OR1J2: variants seen among roughly 807,000 people sequenced by gnomAD.
OR1J2 encodes olfactory receptor family 1 subfamily J member 2.
For missense variants in OR1J2, 304 were observed against 246.1 expected (o/e 1.24, Z -1.57); for synonymous variants, 142 against 99.7 (o/e 1.42, Z -2.52).
the OR1J2 span, among the ~76,000 whole-genome samples, chr9:122,556,036 C>T: frequency 6.6e-6 from 1 of 152,184 alleles, no homozygotes; most frequent in Non-Finnish European, 1.5e-5. Flanking sequence ...AGTTATTCCC[C>T]TCTCCCCATA....
the OR1J2 span, among the ~76,000 whole-genome samples, chr9:122,566,277 T>C: frequency 1.3e-5 from 2 of 152,240 alleles, no homozygotes; most frequent in Non-Finnish European, 2.9e-5. Flanking sequence ...GCATAGGTCA[T>C]CTTGTTTATT....
At chr9:122,513,922 T>C (rs1354460393), downstream of OR1J2, among the ~76,000 whole-genome samples, 1 of 152,176 alleles carries the variant, frequency 6.6e-6, no homozygotes, top group Non-Finnish European at 1.5e-5. Flanking sequence ...AAAGAGATGA[T>C]TTTAAGGCAT....
At chr9:122,484,663 A>C in the OR1J2 span, among the ~76,000 whole-genome samples, 1 of 152,158 alleles carries the variant, frequency 6.6e-6, no homozygotes, top group Non-Finnish European at 1.5e-5. Context: ...AGAAGGGGCA[A>C]AAATTTCTGC....
chr9:122,470,604 A>G, the OR1J2 span, among the ~76,000 whole-genome samples: 1 of 152,172 alleles, frequency 6.6e-6, no homozygotes, highest in Non-Finnish European at 1.5e-5. Context: ...CTGTGAGAAG[A>G]GGGCCACTGT....
chr9:122,499,594 T>C, the OR1J2 span, among the ~76,000 whole-genome samples: 1 of 151,998 alleles, frequency 6.6e-6, no homozygotes, highest in Admixed American at 6.6e-5. Context: ...CCTGGGCATG[T>C]AGCAGTGGGG....
At chr9:122,453,385 GA>G in the OR1J2 span, among the ~76,000 whole-genome samples, 1 of 152,194 alleles carries the variant, frequency 6.6e-6, no homozygotes, top group Non-Finnish European at 1.5e-5. Flanking sequence ...TGAGTCTCCA[GA>G]AAAGTCATTT....
chr9:122,544,415 C>CTTTTTTTTTTTTTTTTTTTTTTTTTT, the OR1J2 span, among the ~76,000 whole-genome samples: 1 of 85,356 alleles, frequency 1.2e-5, no homozygotes, highest in African/African-American at 4.8e-5. Context: ...CCTCTTTTTT[C>CTTTTTTTTTTTTTTTTTTTTTTTTTT]TTTTTTTTTT....
At chr9:122,580,371 G>A in the OR1J2 span, among the ~76,000 whole-genome samples, 25 of 152,182 alleles carry the variant, frequency 1.6e-4, no homozygotes, top group Admixed American at 1.4e-3. Flanking sequence ...CTAGAATGCG[G>A]TCAGAATGAA....
upstream of OR1J2, among the ~76,000 whole-genome samples, chr9:122,507,456 A>G (rs1008846634): frequency 6.6e-6 from 1 of 152,140 alleles, no homozygotes; most frequent in Non-Finnish European, 1.5e-5. Context: ...ATCCCCAAAT[A>G]CAGTCTACAC....
downstream of OR1J2, among the ~76,000 whole-genome samples, chr9:122,516,538 C>G (rs544565398): frequency 6.6e-6 from 1 of 151,956 alleles, no homozygotes; most frequent in Non-Finnish European, 1.5e-5. Flanking sequence ...TTCCTGACCT[C>G]GTGATCCGCC....
At chr9:122,470,143 G>A in the OR1J2 span, among the ~76,000 whole-genome samples, 1 of 152,232 alleles carries the variant, frequency 6.6e-6, no homozygotes, top group Admixed American at 6.5e-5. Context: ...TCCAGGGCAT[G>A]TCAGAGACCT....
At chr9:122,559,666 G>C in the OR1J2 span, among the ~76,000 whole-genome samples, 2 of 148,620 alleles carry the variant, frequency 1.3e-5, no homozygotes, top group African/African-American at 5.2e-5. Context: ...GTTCTAATTT[G>C]ATTTCACTGT....
chr9:122,510,259 T>A (rs934644577), upstream of OR1J2, among the ~76,000 whole-genome samples: 3 of 152,338 alleles, frequency 2.0e-5, no homozygotes, highest in Admixed American at 1.3e-4. Flanking sequence ...CCATGACTGA[T>A]GGCTTGGAAT....
chr9:122,513,088 C>T (rs1828659191), downstream of OR1J2, among the ~76,000 whole-genome samples: 1 of 152,144 alleles, frequency 6.6e-6, no homozygotes, highest in Non-Finnish European at 1.5e-5. Flanking sequence ...TTATAAATGG[C>T]TCACTTCATT....
the OR1J2 span, chr9:122,526,640 G>A: frequency 6.2e-7 from 1 of 1,614,186 alleles, no homozygotes; most frequent in Non-Finnish European, 8.5e-7. Flanking sequence ...CTGGCACAAT[G>A]TGGATGTAGG....
the OR1J2 span, chr9:122,553,990 G>C: frequency 6.2e-7 from 1 of 1,613,720 alleles, no homozygotes; most frequent in Non-Finnish European, 8.5e-7. Context: ...TCTCTTATGG[G>C]TGTGTATTTA....
At chr9:122,564,559 A>C in the OR1J2 span, among the ~76,000 whole-genome samples, 1 of 152,188 alleles carries the variant, frequency 6.6e-6, no homozygotes, top group Non-Finnish European at 1.5e-5. Context: ...GGTGATCCCC[A>C]CCACATCCCT....
chr9:122,480,731 C>A, the OR1J2 span, among the ~76,000 whole-genome samples: 2 of 151,790 alleles, frequency 1.3e-5, no homozygotes, highest in African/African-American at 2.4e-5. Context: ...AGCTTAGTAC[C>A]CATTCGTTAT....
chr9:122,473,487 C>CCA, the OR1J2 span, among the ~76,000 whole-genome samples: 1 of 152,054 alleles, frequency 6.6e-6, no homozygotes. Flanking sequence ...TATAACTGAC[C>CCA]CCTGGTTTAA....
Sources: gnomAD v4.1 joint callset for allele counts (sites outside exome capture counted in the v4.1 genomes callset) on GRCh38, gnomAD v4.1.1 for gene constraint, MANE v1.5 for transcripts, NCBI Gene and HGNC (gene_info 2026-07-23, HGNC 2026-07-21) for gene names.